Variants in RBM44 observed in about 807,000 individuals in gnomAD.
RBM44 encodes the protein RNA-binding protein 44.
In RBM44, 66 loss-of-function variants were observed where a neutral mutation model predicts 105.1. The ratio of observed to expected loss-of-function variants is 0.63; its 90% CI spans 0.52 to 0.77. The LOEUF (loss-of-function observed/expected upper bound fraction) is 0.77. Among genes scored for constraint, RBM44 ranks in the 30% least tolerant of loss-of-function variants. The pLI, the probability that RBM44 is intolerant of heterozygous loss-of-function variation, is 0.00. For synonymous variants in RBM44, 365 were observed against 417.6 expected (o/e 0.87, Z 1.54); for missense variants, 1,122 against 1,207.8 (o/e 0.93, Z 1.05).
intron 5 of RBM44, chr2:237,820,647 T>G (rs376847386): frequency 4.0e-4 from 103 of 260,200 alleles, no homozygotes; most frequent in African/African-American, 2.2e-3. Flanking sequence ...CTCTGGCTTA[T>G]GTGTCAAGAG....
Position 237,821,225 on chromosome 2 carries a change from T to A in RBM44, c.2068T>A (p.Leu690Ile). ...CCCACTGTCACTAGAATCAAAATTA[T>A]TATCTACCTTCTCTACTTTTGCTTC... is the stretch of plus-strand genomic sequence containing the variant. The part of the protein sequence containing the change: ...LPPLSLESKL[L>I]STFSTFASRL... Residue 690 changes from leucine (L) to isoleucine (I), a missense_variant, in exon 6 of 16, where the codon TTA becomes ATA. Physicochemically the swap from Leu to Ile is conservative, Grantham distance 5. Around this residue, in one of 3 missense-constraint regions of RBM44, gnomAD observed 918 missense variants for 955.3 expected, o/e 0.96. Transcript: ENST00000316997. 6.2e-7 allele frequency: 1 copy of A among 1,605,886 alleles called. No homozygotes were observed. The highest frequency in any genetic ancestry group is 8.5e-7 in the Non-Finnish European group (1 of 1,175,932).
chr2:237,834,167 C>T, intron 14 of RBM44, 25 bp downstream of exon 14: 1 of 1,539,498 alleles, frequency 6.5e-7, no homozygotes, highest in South Asian at 1.2e-5. Context: ...TATATTTTAA[C>T]TGCTTTAAAA....
chr2:237,830,161 C>A (rs534069230), intron 13 of RBM44, among the ~76,000 whole-genome samples: 13 of 152,100 alleles, frequency 8.5e-5, no homozygotes, highest in African/African-American at 2.7e-4. Context: ...AAAACTTGAC[C>A]TTTTTCAGAA....
chr2:237,836,582 C>G (rs2061961319), intron 15 of RBM44, among the ~76,000 whole-genome samples: 1 of 152,060 alleles, frequency 6.6e-6, no homozygotes, highest in Non-Finnish European at 1.5e-5. Flanking sequence ...GAGATCGAGA[C>G]CATCCTGGCC....
At chr2:237,831,849 T>A (rs895084335) in intron 13 of RBM44, among the ~76,000 whole-genome samples, 1 of 152,148 alleles carries the variant, frequency 6.6e-6, no homozygotes, top group East Asian at 1.9e-4. Flanking sequence ...TTGATTTGTT[T>A]GGTACATAGC....
chr2:237,822,394 A>G (rs937605289), intron 8 of RBM44, among the ~76,000 whole-genome samples: 2 of 152,104 alleles, frequency 1.3e-5, no homozygotes, highest in African/African-American at 2.4e-5. Context: ...TCTGAAAATT[A>G]CAAAGTGTTA....
chr2:237,807,224 C>T (rs1397183958), intron 1 of RBM44, among the ~76,000 whole-genome samples: 4 of 152,336 alleles, frequency 2.6e-5, no homozygotes, highest in East Asian at 3.9e-4. Flanking sequence ...TCTTGGCTCA[C>T]TGCAACCTCT....
At chr2:237,799,595 C>T (rs1452419313) in intron 1 of RBM44, among the ~76,000 whole-genome samples, 4 of 152,072 alleles carry the variant, frequency 2.6e-5, no homozygotes, top group Admixed American at 6.6e-5. Context: ...CGTGAGCCAC[C>T]GCGCCCGGCC....
chr2:237,826,006 A>C (rs139883599), intron 10 of RBM44, among the ~76,000 whole-genome samples: 25 of 152,198 alleles, frequency 1.6e-4, no homozygotes, highest in African/African-American at 4.8e-4. Context: ...CTGAGACCTC[A>C]GCATCCTTAT....
chr2:237,813,536 T>C (rs944860051), intron 1 of RBM44, 56 bp from the exon 2 acceptor site: 1 of 952,238 alleles, frequency 1.1e-6, no homozygotes, highest in Non-Finnish European at 1.6e-6. Flanking sequence ...CTTTATGTAG[T>C]TGTCAATTTA....
rs1402162396 is a variant in RBM44, at chr2:237,817,644, G to A, written c.725G>A (p.Gly242Asp). The change falls in exon 3 of 16, where the codon GGT becomes GAT. Residue 242 changes from glycine (G) to aspartate (D), a missense_variant. Gly to Asp is a moderately conservative substitution (Grantham distance 94, BLOSUM62 -1). Coordinates refer to ENST00000316997, the MANE Select transcript of RBM44 (RefSeq NM_001080504.3). ...GATAATCGTGTTAACTCGGGAAGTG[G>A]TTCTATCATCTCTTTCGATTCACTT... ...VEDNRVNSGS[G>D]SIISFDSLDV... is the part of the protein sequence containing the mutation. 6.2e-7 allele frequency: 1 copy of A among 1,612,862 alleles called. No homozygotes were observed. The highest frequency in any genetic ancestry group is 1.1e-5 in the South Asian group (1 of 91,034).
chr2:237,817,449 A>G lies in RBM44; in HGVS notation c.530A>G (p.Lys177Arg). Residue 177 changes from lysine (K) to arginine (R), a missense_variant, in exon 3 of 16, where the codon AAG becomes AGG. Lys to Arg is a conservative substitution (Grantham distance 26). This residue lies in a region of RBM44 where 918 missense variants were observed against 955.3 expected (regional missense o/e 0.96). Coordinates refer to ENST00000316997, the MANE Select transcript of RBM44 (RefSeq NM_001080504.3). The stretch of plus-strand genomic sequence containing the variant: ...AGAGAAAGTGCTGAAGATACACAAA[A>G]GCATGATACAGATGAAGACTCACAG... ...NYRESAEDTQKHDTDEDSQQE... is the reference protein window; with the variant it reads ...NYRESAEDTQRHDTDEDSQQE... 2 of 1,599,606 alleles carry G rather than the reference A, an allele frequency of 1.3e-6. No individual in the cohort carries two copies. Among genetic ancestry groups the G allele is most frequent in the African/African-American group, 1.3e-5 (1 of 74,812 alleles).
chr2:237,823,127 A>G (rs2061811087), intron 8 of RBM44, among the ~76,000 whole-genome samples: 1 of 147,374 alleles, frequency 6.8e-6, no homozygotes. Flanking sequence ...TATATAATAT[A>G]TATATATACA....
At chr2:237,813,907 A>G (rs1374753336) in intron 2 of RBM44, among the ~76,000 whole-genome samples, 2 of 152,180 alleles carry the variant, frequency 1.3e-5, no homozygotes, top group African/African-American at 4.8e-5. Context: ...GCAGGAAGAA[A>G]GGATTTCTGT....
chr2:237,828,237 G>A (rs1242651020), intron 12 of RBM44, among the ~76,000 whole-genome samples: 2 of 152,076 alleles, frequency 1.3e-5, no homozygotes, highest in Non-Finnish European at 2.9e-5. Flanking sequence ...ATTATTAAAA[G>A]TGATAGCTGT....
intron 1 of RBM44, among the ~76,000 whole-genome samples, chr2:237,806,186 A>G (rs989109708): frequency 1.3e-5 from 2 of 152,168 alleles, no homozygotes; most frequent in Non-Finnish European, 2.9e-5. Context: ...CTGTAATTTT[A>G]GTGGCTGTAG....
At chr2:237,832,557 G>T (rs985553532) in intron 13 of RBM44, among the ~76,000 whole-genome samples, 10 of 152,314 alleles carry the variant, frequency 6.6e-5, no homozygotes, top group African/African-American at 2.2e-4. Flanking sequence ...TGTGGCAGTG[G>T]GCCATGGGGT....
At position 237,824,183 on chromosome 2, in the gene RBM44, A is replaced by G. The variant is rs148271706; in HGVS notation, c.2321-108A>G. 752 of 917,140 alleles carry G rather than the reference A, an allele frequency of 8.2e-4. 3 individuals are homozygous for G. The highest frequency in any genetic ancestry group is 6.7e-3 in the African/African-American group (391 of 58,550). The allele number at this position is 917,140 out of a possible 1,614,324, so 56.8% of individuals were successfully genotyped here. On this transcript the variant is annotated intron_variant, in intron 9 of 15. Coordinates refer to ENST00000316997, the MANE Select transcript of RBM44 (RefSeq NM_001080504.3). ...AATATTTCTCTTTAGATTTATACAT[A>G]AAACTCTAGTAGTCATCATCGTACT... is the stretch of plus-strand genomic sequence containing the variant.
chr2:237,837,245 A>G (rs1301394857), intron 15 of RBM44, among the ~76,000 whole-genome samples: 1 of 152,180 alleles, frequency 6.6e-6, no homozygotes, highest in Non-Finnish European at 1.5e-5. Context: ...TGCTAACACA[A>G]CATCCATTCT....
Sources: allele counts gnomAD v4.1 joint callset (sites outside exome capture counted in the v4.1 genomes callset), GRCh38; gene constraint gnomAD v4.1.1; regional missense constraint gnomAD v4.1.1; transcripts MANE v1.5; gene names NCBI Gene and HGNC (gene_info 2026-07-23, HGNC 2026-07-21).